The following TECTA variants were observed in gnomAD, a reference collection of about 807,000 sequenced individuals.
The protein encoded by TECTA is alpha-tectorin.
Under a neutral mutation model 216.8 loss-of-function variants are expected in TECTA, and 128 were observed. That is an observed-to-expected ratio of 0.59 (90% CI 0.51 to 0.68). The LOEUF is 0.68. Among genes scored for constraint, TECTA ranks in the 30% least tolerant of loss-of-function variants. The probability of loss-of-function intolerance (pLI) is 0.00; values close to 1 mark genes in which losing one functional copy is unlikely to be tolerated. For synonymous variants in TECTA, 1,089 were observed against 1,117.1 expected (o/e 0.97, Z 0.50); for missense variants, 2,551 against 2,786.2 (o/e 0.92, Z 1.90).
rs561104338 is a variant in TECTA, at chr11:121,190,990, T to G, written c.*184T>G. On this transcript the variant is annotated 3_prime_UTR_variant, in exon 24 of 24. Coordinates refer to ENST00000392793, the MANE Select transcript of TECTA (RefSeq NM_005422.4). ...CCATCCAAGCTCCTCTTTCAGAGTA[T>G]GAAACGGGGCTTCTACAAGCCAGTT... 1.5e-5 allele frequency: 8 copies of G among 551,122 alleles called. No individual in the cohort carries two copies. The highest frequency in any genetic ancestry group is 1.3e-4 in the African/African-American group (7 of 52,550). The allele number at this position is 551,122 out of a possible 1,614,324, so 34.1% of individuals were successfully genotyped here.
At chr11:121,149,789 G>A (rs1341562843) in intron 12 of TECTA, among the ~76,000 whole-genome samples, 2 of 152,338 alleles carry the variant, frequency 1.3e-5, no homozygotes, top group East Asian at 3.9e-4. Context: ...AAATCCAGGT[G>A]CAGAGCCCAG....
In TECTA at chr11:121,191,141, A is replaced by C. The variant is rs1591475206; in HGVS notation, c.*335A>C. On this transcript the variant is annotated 3_prime_UTR_variant, in exon 24 of 24. Transcript: ENST00000392793. ...ATCTGACTGGAAATCTGACCAGAGA[A>C]ATCTGTCAAGCCAGTGCTATTTCTG... is the stretch of plus-strand genomic sequence containing the variant. 2 of 330,774 alleles carry C rather than the reference A, an allele frequency of 6.0e-6. No individual in the cohort carries two copies. The highest frequency in any genetic ancestry group is 1.5e-4 in the East Asian group (2 of 12,978). 20.5% of individuals were successfully genotyped at this position (330,774 alleles called of 1,614,324 possible).
At chr11:121,166,877 G>C in intron 18 of TECTA, 97 bp downstream of exon 18, 1 of 1,412,098 alleles carries the variant, frequency 7.1e-7, no homozygotes, top group South Asian at 1.2e-5. Flanking sequence ...AGGGTGATCT[G>C]CTTAGAAATA....
Position 121,158,113 on chromosome 11 carries a change from G to T in TECTA, c.4578G>T (p.Gln1526His). 1.9e-6 allele frequency: 3 copies of T among 1,614,198 alleles called. No individual in the cohort carries two copies. Among genetic ancestry groups the T allele is most frequent in the Non-Finnish European group, 2.5e-6 (3 of 1,180,046 alleles). Residue 1526 changes from glutamine to histidine, a missense_variant, in exon 14 of 24, where the codon CAG (glutamine) becomes CAT (histidine). By Grantham distance (24) the Gln-to-His change is conservative. Transcript: ENST00000392793. Reference protein sequence around the residue: ...ICQKLPDISFQLIINFDKWSA... With the variant: ...ICQKLPDISFHLIINFDKWSA... The stretch of plus-strand genomic sequence containing the variant: ...AGAAACTGCCCGACATCTCCTTCCA[G>T]CTTATCATCAACTTCGACAAGTGGT...
intron 11 of TECTA, among the ~76,000 whole-genome samples, chr11:121,140,560 C>A (rs561195): frequency 0.48 from 72,446 of 151,974 alleles, 19,203 homozygotes; most frequent in African/African-American, 0.72. Context: ...GGCCTAAAAC[C>A]ACAGAAACTC....
intron 12 of TECTA, among the ~76,000 whole-genome samples, chr11:121,147,549 AT>A (rs11351664): frequency 0.27 from 41,480 of 151,876 alleles, 7,174 homozygotes; most frequent in African/African-American, 0.49. Context: ...TAAAATAAAT[AT>A]GCCTATAAAA....
intron 16 of TECTA, 106 bp from the exon 17 acceptor site, chr11:121,165,167 C>A: frequency 9.3e-7 from 1 of 1,075,296 alleles, no homozygotes; most frequent in Non-Finnish European, 1.4e-6. Flanking sequence ...TGCCATCTGA[C>A]CATTTCCAAT....
intron 17 of TECTA, among the ~76,000 whole-genome samples, chr11:121,166,311 G>A (rs973216199): frequency 4.6e-5 from 7 of 152,188 alleles, no homozygotes; most frequent in African/African-American, 1.7e-4. Context: ...GCAAGGTGGG[G>A]GAAGACCTGG....
In TECTA at chr11:121,101,355, A is replaced by G. The variant is rs1346224129; in HGVS notation, c.-89A>G. The G allele has an allele frequency of 6.6e-6, 1 of 152,234 alleles. No homozygotes were observed. Among genetic ancestry groups the G allele is most frequent in the African/African-American group, 2.4e-5 (1 of 41,458 alleles). 9.4% of individuals were successfully genotyped at this position (152,234 alleles called of 1,614,324 possible). The stretch of plus-strand genomic sequence containing the variant: ...TGGCAACAAGTTGAGGAGAACTGAC[A>G]TGAATTCTTGTTTTACCTAATTTTT... On this transcript the variant is annotated 5_prime_UTR_variant, in exon 1 of 24. An upstream start codon of the reference 5' UTR is lost. Coordinates refer to ENST00000392793, the MANE Select transcript of TECTA (RefSeq NM_005422.4).
At chr11:121,190,071 C>T (rs188920109) in intron 23 of TECTA, 191 bp downstream of exon 23, 63 of 600,452 alleles carry the variant, frequency 1.0e-4, no homozygotes, top group Non-Finnish European at 1.8e-4. Flanking sequence ...CAAACAACAA[C>T]AACAAAAAAA....
intron 10 of TECTA, among the ~76,000 whole-genome samples, chr11:121,134,965 A>C (rs543218795): frequency 2.0e-5 from 3 of 152,216 alleles, no homozygotes; most frequent in South Asian, 2.1e-4. Context: ...TGTCTTTTTT[A>C]GGGAAGATGT....
intron 2 of TECTA, 89 bp downstream of exon 2, chr11:121,102,818 G>T: frequency 9.1e-7 from 1 of 1,093,056 alleles, no homozygotes; most frequent in Non-Finnish European, 1.4e-6. Context: ...AATTGTAAGG[G>T]CAGGTGCATG....
chr11:121,105,577 G>A lies in TECTA; in HGVS notation c.65-254G>A, dbSNP rs1946382722. Among the ~76,000 whole-genome samples the A allele has an allele frequency of 6.6e-6, 1 of 152,360 alleles. No individual in the cohort carries two copies. The highest frequency in any genetic ancestry group is 1.9e-4 in the East Asian group (1 of 5,192). ...CTGTAGCCATAGATATCACCAAGAT[G>A]CATGAAAGTGCAAGAACATGCACAA... is the stretch of plus-strand genomic sequence containing the variant. On this transcript the variant is annotated intron_variant, in intron 2 of 23. Transcript: ENST00000392793. The surrounding 1 kb of genome is among the most constrained non-coding windows in gnomAD (Gnocchi z 5.3).
At chr11:121,114,604 CCCACCCATCCAT>C (rs1946479240) in intron 6 of TECTA, among the ~76,000 whole-genome samples, 1 of 130,096 alleles carries the variant, frequency 7.7e-6, no homozygotes, top group Non-Finnish European at 1.7e-5. Flanking sequence ...CACCCATCCA[CCCACCCATCCAT>C]CCACCTACCC....
Position 121,127,974 on chromosome 11 carries a change from G to A in TECTA, c.1997G>A (p.Trp666Ter). The change falls in exon 9 of 24, where the codon TGG becomes TAG. Residue 666 changes from tryptophan (W) to a stop codon, truncating the protein, a stop_gained. Transcript: ENST00000392793. LOFTEE classifies it high-confidence loss of function. The surrounding 1 kb of genome is among the most constrained non-coding windows in gnomAD (Gnocchi z 5.0). ...GHYYTMGEFF[W>*]ATANCTVQCL... is the part of the protein sequence containing the mutation. ...TACTACACCATGGGGGAGTTCTTCT[G>A]GGCCACGGCCAACTGCACTGTGCAA... 1 of 1,614,114 alleles carries A rather than the reference G, an allele frequency of 6.2e-7. No individual in the cohort carries two copies. Among genetic ancestry groups the A allele is most frequent in the Non-Finnish European group, 8.5e-7 (1 of 1,180,042 alleles).
In TECTA at chr11:121,191,277, C is replaced by T. The variant is rs618523; in HGVS notation, c.*471C>T. On this transcript the variant is annotated 3_prime_UTR_variant, in exon 24 of 24. Transcript: ENST00000392793. ...CTGGTGTTTGGAAGTGTCCGATCTA[C>T]GTTATGCACGTGTTCTGTCTATGAG... 105,816 of 244,766 alleles carry T rather than the reference C, an allele frequency of 0.43. 26,748 individuals carry two copies. The highest frequency in any genetic ancestry group is 0.79 in the African/African-American group (34,954 of 44,308). 15.2% of individuals were successfully genotyped at this position (244,766 alleles called of 1,614,324 possible). A position where few individuals can be genotyped will look rare whatever the true frequency, so the allele number is the denominator to read the frequency against.
Position 121,160,177 on chromosome 11 carries a change from G to A in TECTA, c.4732G>A (p.Ala1578Thr). Residue 1578 changes from alanine to threonine, a missense_variant, in exon 15 of 24, where the codon GCA (alanine) becomes ACA (threonine). Coordinates refer to ENST00000392793, the MANE Select transcript of TECTA (RefSeq NM_005422.4). ...QVNVPFITGL[A>T]TKIYSSEGFL... is the part of the protein sequence containing the mutation. ...GAATGTTCCATTTATAACTGGTTTGGCAACCAAAATCTACAGCAGTGAGGG... is the reference window on the plus strand; with the variant it reads ...GAATGTTCCATTTATAACTGGTTTGACAACCAAAATCTACAGCAGTGAGGG... 1 of 1,614,140 alleles carries A rather than the reference G, an allele frequency of 6.2e-7. No homozygotes were observed. The highest frequency in any genetic ancestry group is 1.7e-5 in the Admixed American group (1 of 60,022).
intron 7 of TECTA, among the ~76,000 whole-genome samples, chr11:121,122,672 C>CA (rs33994765): frequency 0.019 from 901 of 48,650 alleles, 25 homozygotes; most frequent in South Asian, 0.081. Flanking sequence ...CCTGTCTCTC[C>CA]AAAAAAAAAA....
At chr11:121,117,206 G>C (rs1161929977) in intron 6 of TECTA, among the ~76,000 whole-genome samples, 12 of 152,194 alleles carry the variant, frequency 7.9e-5, no homozygotes, top group Admixed American at 3.9e-4. Flanking sequence ...CTATCAACCT[G>C]TGTCAACTTT....
Sources: gnomAD v4.1 joint callset for allele counts (sites outside exome capture counted in the v4.1 genomes callset) on GRCh38, gnomAD v4.1.1 for gene constraint, Gnocchi (gnomAD v3.1) non-coding constraint, MANE v1.5 for transcripts, NCBI Gene and HGNC (gene_info 2026-07-23, HGNC 2026-07-21) for gene names.